PITPNC1: variants seen among roughly 807,000 people sequenced by gnomAD.
PITPNC1 encodes the protein phosphatidylinositol transfer protein cytoplasmic 1, also known as cytoplasmic phosphatidylinositol transfer protein 1.
PITPNC1 carries 18 observed loss-of-function variants against 44.7 expected under a neutral mutation model. The ratio of observed to expected loss-of-function variants is 0.40; its 90% CI spans 0.28 to 0.60. PITPNC1 has a LOEUF of 0.60. Among genes scored for constraint, PITPNC1 ranks in the 20% least tolerant of loss-of-function variants. The pLI is 0.39. For synonymous variants in PITPNC1, 141 were observed against 149.6 expected (o/e 0.94, Z 0.42); for missense variants, 290 against 418.4 (o/e 0.69, Z 2.68).
At chr17:67,677,914 G>T (rs1212342532) in intron 8 of PITPNC1, among the ~76,000 whole-genome samples, 1 of 147,472 alleles carries the variant, frequency 6.8e-6, no homozygotes, top group Non-Finnish European at 1.5e-5. Flanking sequence ...AATAAAAATT[G>T]AAAGAAAAAA....
At chr17:67,649,399 A>T (rs1218040706) in intron 6 of PITPNC1, among the ~76,000 whole-genome samples, 6 of 152,240 alleles carry the variant, frequency 3.9e-5, no homozygotes, top group Admixed American at 3.9e-4. Flanking sequence ...CCCCTTGGGC[A>T]TTATTGAAAA....
intron 1 of PITPNC1, among the ~76,000 whole-genome samples, chr17:67,515,717 C>T (rs2040250774): frequency 6.6e-6 from 1 of 152,052 alleles, no homozygotes; most frequent in Admixed American, 6.5e-5. Flanking sequence ...ACTGGGCAAG[C>T]GGAAGGGATT....
At chr17:67,530,277 G>A (rs1052157325) in intron 1 of PITPNC1, among the ~76,000 whole-genome samples, 1 of 151,782 alleles carries the variant, frequency 6.6e-6, no homozygotes, top group Non-Finnish European at 1.5e-5. Context: ...ATTTTCAGTA[G>A]AGGTGGGGAT....
At chr17:67,531,838 T>G (rs527459592) in intron 1 of PITPNC1, among the ~76,000 whole-genome samples, 1 of 152,254 alleles carries the variant, frequency 6.6e-6, no homozygotes, top group South Asian at 2.1e-4. Flanking sequence ...TCGTCCTGCG[T>G]CCTGACTCTG....
chr17:67,538,529 G>A (rs2040561064), intron 2 of PITPNC1, among the ~76,000 whole-genome samples: 1 of 152,190 alleles, frequency 6.6e-6, no homozygotes, highest in African/African-American at 2.4e-5. Context: ...GAGCCCTAGA[G>A]GTGGAGGTTG....
At chr17:67,596,445 TAA>T (rs772096592) in intron 5 of PITPNC1, among the ~76,000 whole-genome samples, 16 of 152,342 alleles carry the variant, frequency 1.1e-4, no homozygotes, top group Non-Finnish European at 1.5e-4. Context: ...CTGCTTTGGC[TAA>T]GAGTTTACGT....
chr17:67,393,130 A>C (rs2038163406), intron 1 of PITPNC1, among the ~76,000 whole-genome samples: 1 of 137,444 alleles, frequency 7.3e-6, no homozygotes, highest in Admixed American at 7.3e-5. Context: ...ACTCCACCTC[A>C]AAAAAAAAAA....
chr17:67,510,171 T>C (rs2040164870), intron 1 of PITPNC1, among the ~76,000 whole-genome samples: 2 of 152,186 alleles, frequency 1.3e-5, no homozygotes, highest in Non-Finnish European at 2.9e-5. Context: ...GCAACACATT[T>C]GTCCTTCCTT....
intron 2 of PITPNC1, among the ~76,000 whole-genome samples, chr17:67,551,447 G>T (rs1210696623): frequency 6.6e-6 from 1 of 152,182 alleles, no homozygotes; most frequent in East Asian, 1.9e-4. Context: ...GAGAGAATCT[G>T]TCCCGGGCCT....
chr17:67,531,825 G>T (rs1036877374), intron 1 of PITPNC1, among the ~76,000 whole-genome samples: 10 of 152,228 alleles, frequency 6.6e-5, no homozygotes, highest in African/African-American at 2.2e-4. Context: ...CAGCAGGGTC[G>T]CATCGTCCTG....
intron 6 of PITPNC1, among the ~76,000 whole-genome samples, chr17:67,646,512 G>A (rs1161347084): frequency 1.3e-5 from 2 of 152,134 alleles, no homozygotes; most frequent in African/African-American, 4.8e-5. Flanking sequence ...TAGAAGGTAT[G>A]GAACTAACTT....
intron 1 of PITPNC1, among the ~76,000 whole-genome samples, chr17:67,487,222 G>A (rs932746435): frequency 1.3e-5 from 2 of 151,964 alleles, no homozygotes. Flanking sequence ...TCACCCAGGC[G>A]GAAGTGTAGT....
At chr17:67,485,611 T>G (rs1005157559) in intron 1 of PITPNC1, among the ~76,000 whole-genome samples, 2 of 152,084 alleles carry the variant, frequency 1.3e-5, no homozygotes, top group Non-Finnish European at 2.9e-5. Context: ...CCTCCCAAAG[T>G]GCTGGGATTA....
chr17:67,502,812 A>T (rs2040052624), intron 1 of PITPNC1, among the ~76,000 whole-genome samples: 1 of 127,194 alleles, frequency 7.9e-6, no homozygotes, highest in African/African-American at 3.5e-5. Flanking sequence ...TGTATTTTAG[A>T]GATGGAGTCT....
chr17:67,621,225 T>TATTTTATTTTA (rs1192550467), intron 5 of PITPNC1, among the ~76,000 whole-genome samples: 1 of 151,138 alleles, frequency 6.6e-6, no homozygotes, highest in Non-Finnish European at 1.5e-5. Flanking sequence ...TATTTTATTT[T>TATTTTATTTTA]AAGACAAAGT....
At position 67,599,020 on chromosome 17, in the gene PITPNC1, ATATATATATATATATTTT is replaced by A. The variant is rs1328055007; in HGVS notation, c.366+20765_366+20782del. On this transcript the variant is annotated intron_variant, in intron 5 of 8. Transcript: ENST00000581322. ...GAAATACATATATATATATATATAT[ATATATATATATATATTTT>A]TTTTTTTTTTTTTTTTACCATGTTG... Among the ~76,000 whole-genome samples, 116 of 39,232 alleles carry A rather than the reference ATATATATATATATATTTT, an allele frequency of 3.0e-3. 2 individuals are homozygous for A. The highest frequency in any genetic ancestry group is 0.012 in the African/African-American group (108 of 8,986). The allele number at this position is 39,232 out of a possible 152,430, so 25.7% of individuals were successfully genotyped here. A position where few individuals can be genotyped will look rare whatever the true frequency, so the allele number is the denominator to read the frequency against.
intron 5 of PITPNC1, among the ~76,000 whole-genome samples, chr17:67,616,867 C>T (rs1200915275): frequency 6.6e-6 from 1 of 152,152 alleles, no homozygotes; most frequent in Non-Finnish European, 1.5e-5. Flanking sequence ...TTAAACTTCG[C>T]AGATGAGCCA....
chr17:67,689,210 TAAATAAATAAATAAAGTA>T lies in PITPNC1; in HGVS notation c.683-3336_683-3319del, dbSNP rs1401317581. On this transcript the variant is annotated intron_variant, in intron 8 of 8. Transcript: ENST00000581322. ...AGAGTGCAACTCCATCTCAAATAAA[TAAATAAATAAATAAAGTA>T]AAATAAATAAATAAAGTAAAATAAA... Among the ~76,000 whole-genome samples, 505 of 151,732 alleles carry T rather than the reference TAAATAAATAAATAAAGTA, an allele frequency of 3.3e-3. 2 individuals carry two copies. The highest frequency in any genetic ancestry group is 5.5e-3 in the African/African-American group (227 of 41,390).
intron 6 of PITPNC1, among the ~76,000 whole-genome samples, chr17:67,658,368 T>C (rs1322572891): frequency 2.6e-5 from 4 of 152,150 alleles, no homozygotes; most frequent in Admixed American, 6.5e-5. Flanking sequence ...CACTTTTGAG[T>C]GGTATCTTCA....
Sources: gnomAD v4.1 joint callset for allele counts (sites outside exome capture counted in the v4.1 genomes callset) on GRCh38, gnomAD v4.1.1 for gene constraint, MANE v1.5 for transcripts, NCBI Gene and HGNC (gene_info 2026-07-23, HGNC 2026-07-21) for gene names.